FSTL4: variants seen among roughly 807,000 people sequenced by gnomAD.
FSTL4 encodes follistatin like 4, also known as follistatin-related protein 4.
FSTL4 carries 28 observed loss-of-function variants against 78.2 expected under a neutral mutation model. The ratio of observed to expected loss-of-function variants is 0.36; its 90% confidence interval spans 0.27 to 0.49. The LOEUF (loss-of-function observed/expected upper bound fraction) is 0.49. Ranked by LOEUF, FSTL4 falls within the 20% of genes least tolerant of loss-of-function variation. FSTL4 has a pLI of 0.98. For missense variants in FSTL4, 922 were observed against 1,084.9 expected, an observed-to-expected ratio of 0.85 and a Z score of 2.11; for synonymous variants, 422 against 440.5, an observed-to-expected ratio of 0.96 and a Z score of 0.53.
chr5:133,680,635 T>C, the FSTL4 span, among the ~76,000 whole-genome samples: 1 of 152,158 alleles, frequency 6.6e-6, no homozygotes, highest in Non-Finnish European at 1.5e-5. Flanking sequence ...GTGTCCTCAA[T>C]ACACACCTGC....
the FSTL4 span, among the ~76,000 whole-genome samples, chr5:133,818,233 G>A: frequency 5.9e-5 from 9 of 152,212 alleles, no homozygotes; most frequent in African/African-American, 1.2e-4. Flanking sequence ...ACAATGGGCC[G>A]TGGATTAACA....
chr5:133,572,113 T>C (rs970833200), intron 2 of FSTL4, among the ~76,000 whole-genome samples: 2 of 152,188 alleles, frequency 1.3e-5, no homozygotes, highest in Admixed American at 6.5e-5. Context: ...AATAGTTGAA[T>C]ATTCAAAGAC....
chr5:133,742,547 G>A, the FSTL4 span, among the ~76,000 whole-genome samples: 1 of 152,098 alleles, frequency 6.6e-6, no homozygotes, highest in Non-Finnish European at 1.5e-5. Context: ...GTAACACCAA[G>A]TTGGTAATAC....
At chr5:133,666,240 G>A in the FSTL4 span, among the ~76,000 whole-genome samples, 63,034 of 151,958 alleles carry the variant, frequency 0.41, 13,318 homozygotes, top group Middle Eastern at 0.57. Flanking sequence ...TTCAGTGAGC[G>A]AAGCACTTTT....
At chr5:133,259,170 G>GGT (rs1243241902) in intron 6 of FSTL4, among the ~76,000 whole-genome samples, 1 of 149,056 alleles carries the variant, frequency 6.7e-6, no homozygotes, top group East Asian at 2.0e-4. Context: ...GGGCTATTAA[G>GGT]GTGTGTGTGT....
chr5:133,722,036 C>A, the FSTL4 span, among the ~76,000 whole-genome samples: 1 of 151,892 alleles, frequency 6.6e-6, no homozygotes, highest in Admixed American at 6.6e-5. Flanking sequence ...ATTATTTCTT[C>A]TGCTTGATCA....
At chr5:133,773,656 T>C in the FSTL4 span, among the ~76,000 whole-genome samples, 10 of 152,240 alleles carry the variant, frequency 6.6e-5, no homozygotes, top group Non-Finnish European at 1.3e-4. Context: ...ATCAGCTTAC[T>C]GTTCTTACTA....
intron 13 of FSTL4, among the ~76,000 whole-genome samples, chr5:133,214,870 C>A (rs547337167): frequency 1.3e-5 from 2 of 152,310 alleles, no homozygotes; most frequent in African/African-American, 4.8e-5. Context: ...TGTAATGTCA[C>A]CTACTTTAAA....
chr5:133,596,383 G>T (rs1382892541), intron 2 of FSTL4, among the ~76,000 whole-genome samples: 2 of 152,230 alleles, frequency 1.3e-5, no homozygotes, highest in Admixed American at 1.3e-4. Flanking sequence ...CTCACTGGTG[G>T]TCTCACTGAT....
upstream of FSTL4, among the ~76,000 whole-genome samples, chr5:133,613,568 C>G (rs986429410): frequency 3.3e-5 from 5 of 152,174 alleles, no homozygotes; most frequent in East Asian, 9.6e-4. Context: ...TTTTTTCCTT[C>G]CACAGATTTT....
chr5:133,473,902 C>T (rs1319198885), intron 3 of FSTL4, among the ~76,000 whole-genome samples: 5 of 152,118 alleles, frequency 3.3e-5, no homozygotes, highest in South Asian at 2.1e-4. Context: ...ATCATAAGAA[C>T]AGCATGGGGG....
chr5:133,649,836 C>A, the FSTL4 span, among the ~76,000 whole-genome samples: 1 of 151,792 alleles, frequency 6.6e-6, no homozygotes, highest in Non-Finnish European at 1.5e-5. Flanking sequence ...AGTGCTGTTT[C>A]CAGAGCAAAA....
the FSTL4 span, among the ~76,000 whole-genome samples, chr5:133,778,535 T>C: frequency 2.0e-5 from 3 of 152,160 alleles, no homozygotes; most frequent in African/African-American, 7.2e-5. Flanking sequence ...TTCTGGCCCT[T>C]ACGCTGAAAA....
At chr5:133,556,127 C>A (rs183842906) in intron 3 of FSTL4, among the ~76,000 whole-genome samples, 7 of 152,202 alleles carry the variant, frequency 4.6e-5, no homozygotes, top group African/African-American at 1.4e-4. Context: ...TTTTTGAATA[C>A]GAATATTTCA....
chr5:133,577,113 T>A (rs1417212814), intron 2 of FSTL4, among the ~76,000 whole-genome samples: 1 of 152,164 alleles, frequency 6.6e-6, no homozygotes, highest in Non-Finnish European at 1.5e-5. Flanking sequence ...GAAGGAAAAC[T>A]ATTGAGTTGT....
intron 6 of FSTL4, among the ~76,000 whole-genome samples, chr5:133,253,032 C>A (rs1752298652): frequency 6.6e-6 from 1 of 152,182 alleles, no homozygotes; most frequent in Non-Finnish European, 1.5e-5. Flanking sequence ...AACCAAACAG[C>A]AAATATTTGG....
chr5:133,532,956 C>T lies in FSTL4; in HGVS notation c.160+34230G>A, dbSNP rs547781510. ...AGGTGATCTCCAAACCCCAAGCATC[C>T]AACCAGAAATGAACCCCAGAGACCC... On this transcript the variant is annotated intron_variant, in intron 3 of 15. Transcript: ENST00000265342. 3.9e-5 allele frequency among the ~76,000 whole-genome samples: 6 copies of T among 152,286 alleles called. No individual in the cohort carries two copies. In the South Asian group the frequency reaches 1.2e-3, roughly 32 times the overall value.
the FSTL4 span, among the ~76,000 whole-genome samples, chr5:133,630,931 G>A: frequency 6.6e-6 from 1 of 152,266 alleles, no homozygotes; most frequent in Middle Eastern, 3.4e-3. Context: ...AAACTGGCTA[G>A]CCATGTACAT....
chr5:133,778,480 C>T, the FSTL4 span, among the ~76,000 whole-genome samples: 1 of 152,178 alleles, frequency 6.6e-6, no homozygotes, highest in Non-Finnish European at 1.5e-5. Context: ...TTTGCAGAGG[C>T]AAAGTGGACT....
Sources: allele counts gnomAD v4.1 joint callset (sites outside exome capture counted in the v4.1 genomes callset), GRCh38; gene constraint gnomAD v4.1.1; transcripts MANE v1.5; gene names NCBI Gene and HGNC (gene_info 2026-07-23, HGNC 2026-07-21).